ZNF248: variants seen among roughly 807,000 people sequenced by gnomAD.
ZNF248 encodes the protein zinc finger protein 248, also known as KRAB protein domain.
Under a neutral mutation model 44.3 loss-of-function variants are expected in ZNF248, and 20 were observed. The ratio of observed to expected loss-of-function variants is 0.45; its 90% CI spans 0.32 to 0.66. ZNF248 has a LOEUF of 0.66. ZNF248 is among the 30% of genes least tolerant of loss of function. The pLI is 0.04. For missense variants in ZNF248, 654 were observed against 677.0 expected (o/e 0.97, Z 0.38); for synonymous variants, 224 against 229.0 (o/e 0.98, Z 0.20).
In ZNF248 at chr10:37,830,311, G is replaced by C; in HGVS notation, c.*1304C>G. ...TACTGTTTAACTTCTTTACTGAAGT[G>C]ATAGTTCAATAATGGCCATATTCAT... On this transcript the variant is annotated 3_prime_UTR_variant, in exon 6 of 6. Coordinates refer to ENST00000395867, the MANE Select transcript of ZNF248 (RefSeq NM_021045.3). 1.0e-6 allele frequency: 1 copy of C among 985,338 alleles called. No homozygotes were observed. Among genetic ancestry groups the C allele is most frequent in the Non-Finnish European group, 1.2e-6 (1 of 829,902 alleles). The allele number at this position is 985,338 out of a possible 1,614,324, so 61.0% of individuals were successfully genotyped here.
rs1269924090 is a variant in ZNF248, at chr10:37,829,200, GC to G, written c.*2414del. 3 of 985,274 alleles carry G rather than the reference GC, an allele frequency of 3.0e-6. No homozygotes were observed. Among genetic ancestry groups the G allele is most frequent in the Non-Finnish European group, 3.6e-6 (3 of 829,936 alleles). The allele number at this position is 985,274 out of a possible 1,614,324, so 61.0% of individuals were successfully genotyped here. A position where few individuals can be genotyped will look rare whatever the true frequency, so the allele number is the denominator to read the frequency against. On this transcript the variant is annotated 3_prime_UTR_variant, in exon 6 of 6. Coordinates refer to ENST00000395867, the MANE Select transcript of ZNF248 (RefSeq NM_021045.3). The stretch of plus-strand genomic sequence containing the variant: ...TAGTAATGATGTCTCTTACAAGGTG[GC>G]CCCTCCTTCATGACAGCAGTTCTTA...
chr10:37,768,827 C>G, the ZNF248 span, among the ~76,000 whole-genome samples: 74 of 152,110 alleles, frequency 4.9e-4, no homozygotes, highest in Non-Finnish European at 9.7e-4. Flanking sequence ...ACTAATGAAT[C>G]CAGGAGCTGG....
At chr10:37,811,776 G>C (rs2051557883) in intron 6 of ZNF248, among the ~76,000 whole-genome samples, 1 of 151,994 alleles carries the variant, frequency 6.6e-6, no homozygotes, top group African/African-American at 2.4e-5. Context: ...AGCCAGGGAG[G>C]TCAAGGCTGC....
chr10:37,851,860 G>A (rs1376371491), intron 3 of ZNF248, among the ~76,000 whole-genome samples: 3 of 151,326 alleles, frequency 2.0e-5, no homozygotes, highest in Non-Finnish European at 4.4e-5. Flanking sequence ...GTGGCTAGCG[G>A]AAATATAAAA....
At chr10:37,824,848 ATT>A (rs36011714), downstream of ZNF248, among the ~76,000 whole-genome samples, 14 of 115,192 alleles carry the variant, frequency 1.2e-4, no homozygotes, top group African/African-American at 3.5e-4. Context: ...CACCCAGCTG[ATT>A]TTTTTTTTTT....
intron 6 of ZNF248, among the ~76,000 whole-genome samples, chr10:37,797,830 A>T (rs756999157): frequency 1.3e-5 from 2 of 152,148 alleles, no homozygotes; most frequent in Non-Finnish European, 2.9e-5. Context: ...GATGTAGAGA[A>T]GTTAAATCCC....
intron 6 of ZNF248, among the ~76,000 whole-genome samples, chr10:37,782,729 A>C (rs1455769286): frequency 6.6e-6 from 1 of 152,152 alleles, no homozygotes; most frequent in African/African-American, 2.4e-5. Flanking sequence ...ATGTGTCTAC[A>C]AGTCAAGGAA....
At position 37,790,653 on chromosome 10, in the gene ZNF248, TGA is replaced by T. The variant is rs2048399787; in HGVS notation, c.331-14080_331-14079del. On this transcript the variant is annotated intron_variant, in intron 6 of 6. Transcript: ENST00000615949. ...TGAACCTGGGAGGCAGTGGTTGCAG[TGA>T]GCCGAGATGGCATCACTGCACTCCA... Among the ~76,000 whole-genome samples the T allele has an allele frequency of 9.2e-5, 14 of 151,962 alleles. No homozygotes were observed. In the East Asian group the frequency reaches 2.7e-3, roughly 29 times the overall value.
chr10:37,766,695 G>T, the ZNF248 span, among the ~76,000 whole-genome samples: 1 of 152,146 alleles, frequency 6.6e-6, no homozygotes, highest in Non-Finnish European at 1.5e-5. Context: ...AGAAAAACTG[G>T]AAACTCTAAA....
At chr10:37,819,038 A>C (rs1272334886) in intron 6 of ZNF248, 2 of 816,070 alleles carry the variant, frequency 2.5e-6, no homozygotes, top group Admixed American at 1.7e-5. Flanking sequence ...CATGCCACCC[A>C]CTGAATTGTA....
At chr10:37,817,046 C>A (rs919423044) in intron 6 of ZNF248, among the ~76,000 whole-genome samples, 2 of 152,054 alleles carry the variant, frequency 1.3e-5, no homozygotes, top group Non-Finnish European at 2.9e-5. Context: ...GCTGTACTAA[C>A]CTGCAATTTA....
downstream of ZNF248, among the ~76,000 whole-genome samples, chr10:37,828,506 G>C (rs999488941): frequency 6.6e-6 from 1 of 152,154 alleles, no homozygotes. Flanking sequence ...AATATTCTAG[G>C]AGGGCTTGTC....
At chr10:37,833,841 A>G (rs2056520329) in intron 5 of ZNF248, among the ~76,000 whole-genome samples, 1 of 152,192 alleles carries the variant, frequency 6.6e-6, no homozygotes, top group African/African-American at 2.4e-5. Context: ...GTTCTTTCAA[A>G]GAGCAGGAAA....
At chr10:37,768,405 A>T in the ZNF248 span, among the ~76,000 whole-genome samples, 4 of 145,600 alleles carry the variant, frequency 2.7e-5, no homozygotes, top group African/African-American at 1.0e-4. Context: ...AAAGAACAGC[A>T]ATTATAACAA....
At chr10:37,768,490 T>C in the ZNF248 span, among the ~76,000 whole-genome samples, 13 of 152,154 alleles carry the variant, frequency 8.5e-5, no homozygotes, top group African/African-American at 3.1e-4. Flanking sequence ...CTCAACTACA[T>C]GGAAACTGAA....
chr10:37,788,179 C>T (rs552849077), intron 6 of ZNF248, among the ~76,000 whole-genome samples: 16 of 150,008 alleles, frequency 1.1e-4, no homozygotes, highest in South Asian at 2.1e-4. Context: ...GCAGGAGAAT[C>T]GCTTGAACCC....
At chr10:37,841,807 C>A (rs758323270) in intron 3 of ZNF248, among the ~76,000 whole-genome samples, 4 of 152,144 alleles carry the variant, frequency 2.6e-5, no homozygotes, top group Admixed American at 6.5e-5. Flanking sequence ...CTCTAAGAAA[C>A]CCTAACCTCA....
At chr10:37,767,122 G>T in the ZNF248 span, among the ~76,000 whole-genome samples, 9,089 of 152,158 alleles carry the variant, frequency 0.06, 346 homozygotes, top group Middle Eastern at 0.092. Context: ...TATGGGACTA[G>T]GTGAAAAGAC....
At chr10:37,776,799 A>G (rs1317376317) in intron 6 of ZNF248, among the ~76,000 whole-genome samples, 1 of 152,088 alleles carries the variant, frequency 6.6e-6, no homozygotes, top group Non-Finnish European at 1.5e-5. Flanking sequence ...CCACTTCAGT[A>G]TGATTTCAGG....
Sources: gnomAD v4.1 joint callset for allele counts (sites outside exome capture counted in the v4.1 genomes callset) on GRCh38, gnomAD v4.1.1 for gene constraint, MANE v1.5 for transcripts, NCBI Gene and HGNC (gene_info 2026-07-23, HGNC 2026-07-21) for gene names.